The following GRIA4 variants were observed in gnomAD, a reference collection of about 807,000 sequenced individuals.
GRIA4 encodes glutamate receptor 4.
In GRIA4, 34 loss-of-function variants were observed where a neutral mutation model predicts 104.0. The ratio of observed to expected loss-of-function variants is 0.33; its 90% CI spans 0.25 to 0.44. GRIA4 has a LOEUF of 0.44. Ranked by LOEUF, GRIA4 falls within the 20% of genes least tolerant of loss-of-function variation. The probability of loss-of-function intolerance (pLI) is 1.00; values close to 1 mark genes in which losing one functional copy is unlikely to be tolerated. For missense variants in GRIA4, 750 were observed against 1,096.5 expected, an observed-to-expected ratio of 0.68 and a Z score of 4.46; for synonymous variants, 386 against 381.9, an observed-to-expected ratio of 1.01 and a Z score of -0.13.
intron 3 of GRIA4, among the ~76,000 whole-genome samples, chr11:105,702,690 CTTTCTTTTT>C (rs1174944461): frequency 1.8e-4 from 17 of 96,118 alleles, no homozygotes; most frequent in African/African-American, 6.2e-4. Flanking sequence ...AATTATTTTC[CTTTCTTTTT>C]TTTTTTTTTT....
Position 105,868,322 on chromosome 11 carries a change from C to T in GRIA4, c.672+6114C>T, listed in dbSNP as rs776228226. 1.2e-4 allele frequency among the ~76,000 whole-genome samples: 18 copies of T among 152,172 alleles called. No homozygotes were observed. In the South Asian group the frequency reaches 1.9e-3, roughly 16 times the overall value. The stretch of plus-strand genomic sequence containing the variant: ...TTTGAAGCAAAAGTAGAAGCTGAAA[C>T]GGAGCAGTAGACAAAGTTGAAGCTG... On this transcript the variant is annotated intron_variant, in intron 5 of 16. Transcript: ENST00000282499.
At chr11:105,840,758 A>T (rs1164078116) in intron 4 of GRIA4, among the ~76,000 whole-genome samples, 3 of 152,192 alleles carry the variant, frequency 2.0e-5, no homozygotes, top group African/African-American at 7.2e-5. Flanking sequence ...TATGGTGAAA[A>T]ATTGTGCATT....
intron 3 of GRIA4, among the ~76,000 whole-genome samples, chr11:105,737,797 G>C (rs1311687741): frequency 2.0e-5 from 3 of 152,094 alleles, no homozygotes; most frequent in Non-Finnish European, 4.4e-5. Flanking sequence ...ATGAACTTTG[G>C]AAGCAGATGT....
At chr11:105,645,969 A>G (rs1049396306) in intron 3 of GRIA4, among the ~76,000 whole-genome samples, 2 of 152,222 alleles carry the variant, frequency 1.3e-5, no homozygotes, top group African/African-American at 4.8e-5. Context: ...GAAGCCATGA[A>G]GGAAGAAGAA....
intron 3 of GRIA4, among the ~76,000 whole-genome samples, chr11:105,641,065 T>C (rs1466576128): frequency 6.6e-6 from 1 of 152,140 alleles, no homozygotes; most frequent in Non-Finnish European, 1.5e-5. Context: ...TAATGAGCAC[T>C]TATAATGTTT....
intron 3 of GRIA4, among the ~76,000 whole-genome samples, chr11:105,659,379 T>A (rs1951939677): frequency 6.6e-6 from 1 of 152,002 alleles, no homozygotes; most frequent in Non-Finnish European, 1.5e-5. Flanking sequence ...TGTTGTAAAG[T>A]GTCTCTGAAG....
chr11:105,672,454 T>A (rs1352444433), intron 3 of GRIA4, among the ~76,000 whole-genome samples: 3 of 152,094 alleles, frequency 2.0e-5, no homozygotes, highest in African/African-American at 7.2e-5. Flanking sequence ...CTGAGAAAAA[T>A]TAGTTTCAAT....
chr11:105,610,847 T>C (rs1950452812), intron 1 of GRIA4, 61 bp from the exon 2 acceptor site: 1 of 598,298 alleles, frequency 1.7e-6, no homozygotes, highest in Non-Finnish European at 2.9e-6. Context: ...TCTTTCCTTT[T>C]TTTTCTTTCT....
At chr11:105,801,667 T>A (rs944291633) in intron 4 of GRIA4, among the ~76,000 whole-genome samples, 3 of 152,078 alleles carry the variant, frequency 2.0e-5, no homozygotes, top group Admixed American at 6.6e-5. Context: ...CTGTCTACAA[T>A]GTACAAGTAC....
intron 3 of GRIA4, among the ~76,000 whole-genome samples, chr11:105,716,908 A>T (rs1200557790): frequency 6.6e-6 from 1 of 152,140 alleles, no homozygotes; most frequent in Non-Finnish European, 1.5e-5. Flanking sequence ...AATTGTTCTC[A>T]CGTTTTACAA....
At position 105,903,070 on chromosome 11, in the gene GRIA4, C is replaced by A. The variant is rs181622038; in HGVS notation, c.886-744C>A. ...TTTTCTCAGAGGTGGGGGGAGCTCA[C>A]TCTTTTCTCAAAGAGAAGCAGATGG... On this transcript the variant is annotated intron_variant, in intron 7 of 16. Coordinates refer to ENST00000282499, the MANE Select transcript of GRIA4 (RefSeq NM_000829.4). 2.8e-3 allele frequency among the ~76,000 whole-genome samples: 430 copies of A among 152,258 alleles called. 3 individuals are homozygous for A. Among genetic ancestry groups the A allele is most frequent in the African/African-American group, 9.7e-3 (405 of 41,558 alleles).
chr11:105,712,378 T>G (rs997207946), intron 3 of GRIA4, among the ~76,000 whole-genome samples: 1 of 151,918 alleles, frequency 6.6e-6, no homozygotes, highest in Non-Finnish European at 1.5e-5. Context: ...GAGGATAAAC[T>G]CAAGAAAAGT....
chr11:105,881,047 G>T (rs1315615718), intron 5 of GRIA4, among the ~76,000 whole-genome samples: 1 of 152,196 alleles, frequency 6.6e-6, no homozygotes, highest in Non-Finnish European at 1.5e-5. Flanking sequence ...GCTGGAAGAG[G>T]AGTAGAGAAA....
At chr11:105,869,508 T>C (rs1254656801) in intron 5 of GRIA4, among the ~76,000 whole-genome samples, 1 of 152,072 alleles carries the variant, frequency 6.6e-6, no homozygotes, top group Non-Finnish European at 1.5e-5. Context: ...CCTCATTAGG[T>C]AGAAAAGAGA....
At chr11:105,792,605 T>G (rs1446765572) in intron 4 of GRIA4, among the ~76,000 whole-genome samples, 2 of 152,144 alleles carry the variant, frequency 1.3e-5, no homozygotes, top group Admixed American at 6.6e-5. Flanking sequence ...AAGTAAATTT[T>G]CAAAATTAGC....
At chr11:105,638,387 C>T (rs1407839850) in intron 3 of GRIA4, among the ~76,000 whole-genome samples, 1 of 152,122 alleles carries the variant, frequency 6.6e-6, no homozygotes, top group African/African-American at 2.4e-5. Context: ...CTACCCTGAA[C>T]CTGCTGACAA....
chr11:105,743,780 C>T (rs952935507), intron 3 of GRIA4, among the ~76,000 whole-genome samples: 5 of 152,104 alleles, frequency 3.3e-5, no homozygotes, highest in Admixed American at 6.6e-5. Context: ...GTGATACCAC[C>T]GCTATCCATT....
intron 3 of GRIA4, among the ~76,000 whole-genome samples, chr11:105,725,685 C>A (rs1938154241): frequency 6.6e-6 from 1 of 152,102 alleles, no homozygotes. Flanking sequence ...GCATTTGCAA[C>A]TGAGGAAACC....
At chr11:105,905,373 A>G in intron 9 of GRIA4, 72 bp downstream of exon 9, 2 of 819,334 alleles carry the variant, frequency 2.4e-6, no homozygotes, top group South Asian at 1.5e-5. Context: ...AAAGGTGTAC[A>G]GAAGAAAGAT....
Sources: gnomAD v4.1 joint callset for allele counts (sites outside exome capture counted in the v4.1 genomes callset) on GRCh38, gnomAD v4.1.1 for gene constraint, MANE v1.5 for transcripts, NCBI Gene and HGNC (gene_info 2026-07-23, HGNC 2026-07-21) for gene names.